Variants in USH2A observed in about 807,000 individuals in gnomAD.
USH2A encodes usherin.
USH2A carries 443 observed loss-of-function variants against 538.9 expected under a neutral mutation model. The observed-to-expected ratio is 0.82, with a 90% CI of 0.76 to 0.89. USH2A has a LOEUF of 0.89. USH2A is among the 40% of genes least tolerant of loss of function. USH2A has a pLI of 0.00. For missense variants in USH2A, 6,633 were observed against 6,324.8 expected (o/e 1.05, Z -1.65); for synonymous variants, 2,413 against 2,273.5 (o/e 1.06, Z -1.75).
chr1:215,882,534 T>A, intron 41 of USH2A, among the ~76,000 whole-genome samples: 1 of 152,184 alleles, frequency 6.6e-6, no homozygotes, highest in East Asian at 1.9e-4. Flanking sequence ...AGAGTACAAA[T>A]ATATAAATAC....
chr1:216,233,061 T>C (rs2035733145), intron 13 of USH2A, among the ~76,000 whole-genome samples: 1 of 152,180 alleles, frequency 6.6e-6, no homozygotes, highest in African/African-American at 2.4e-5. Context: ...GCAGTCTTTT[T>C]CCAAAGTGCA....
chr1:216,003,742 G>T (rs554962111), intron 32 of USH2A, among the ~76,000 whole-genome samples: 83 of 152,124 alleles, frequency 5.5e-4, no homozygotes, highest in African/African-American at 2.0e-3. Flanking sequence ...TAAGAATTTT[G>T]GTTTTTAATC....
intron 38 of USH2A, among the ~76,000 whole-genome samples, chr1:215,909,694 G>A (rs1394475929): frequency 2.0e-5 from 3 of 151,964 alleles, no homozygotes; most frequent in East Asian, 1.9e-4. Context: ...TGTTAGATGC[G>A]ATAGGCAGGG....
At chr1:215,965,954 C>T (rs1478381780) in intron 36 of USH2A, among the ~76,000 whole-genome samples, 1 of 151,726 alleles carries the variant, frequency 6.6e-6, no homozygotes, top group East Asian at 1.9e-4. Context: ...CACACACACA[C>T]ACACACACGC....
intron 49 of USH2A, among the ~76,000 whole-genome samples, chr1:215,805,965 T>C (rs925471681): frequency 9.3e-5 from 13 of 139,282 alleles, no homozygotes; most frequent in African/African-American, 3.4e-4. Flanking sequence ...TTTATTAGTG[T>C]ATCTTAGAAA....
intron 32 of USH2A, among the ~76,000 whole-genome samples, chr1:216,032,122 C>G (rs1669142220): frequency 2.0e-5 from 3 of 152,106 alleles, no homozygotes; most frequent in East Asian, 1.9e-4. Flanking sequence ...AACTTCTAAC[C>G]TCTGAGGTAC....
chr1:216,231,292 CAGAGAGAGAG>C (rs371376479), intron 14 of USH2A, among the ~76,000 whole-genome samples: 7 of 56,690 alleles, frequency 1.2e-4, no homozygotes, highest in Non-Finnish European at 2.5e-4. Flanking sequence ...CACAGAGAGA[CAGAGAGAGAG>C]AGAGAGAGAG....
chr1:216,260,356 A>C (rs1453977086), intron 11 of USH2A, among the ~76,000 whole-genome samples: 1 of 152,180 alleles, frequency 6.6e-6, no homozygotes. Context: ...TGAGAGCCTT[A>C]AGACTTGAAG....
chr1:216,226,485 C>T (rs2035563666), intron 14 of USH2A, among the ~76,000 whole-genome samples: 1 of 152,142 alleles, frequency 6.6e-6, no homozygotes, highest in Admixed American at 6.5e-5. Flanking sequence ...CCTCCTCCCT[C>T]ACGTAGAGGC....
intron 38 of USH2A, among the ~76,000 whole-genome samples, chr1:215,911,119 T>A (rs1665770545): frequency 6.6e-6 from 1 of 151,978 alleles, no homozygotes; most frequent in African/African-American, 2.4e-5. Context: ...CATGAGATGT[T>A]TTGATACAGG....
At chr1:215,799,981 A>T (rs1167636262) in intron 49 of USH2A, among the ~76,000 whole-genome samples, 4 of 152,132 alleles carry the variant, frequency 2.6e-5, no homozygotes, top group African/African-American at 9.7e-5. Context: ...CATATCTAAA[A>T]AACAAAAACA....
intron 26 of USH2A, among the ~76,000 whole-genome samples, chr1:216,082,955 C>A (rs1029900639): frequency 5.3e-5 from 8 of 151,836 alleles, no homozygotes; most frequent in African/African-American, 1.9e-4. Flanking sequence ...ATAACAAATA[C>A]AAAATTCTGA....
At chr1:215,994,260 T>G (rs963364901) in intron 34 of USH2A, among the ~76,000 whole-genome samples, 1 of 152,178 alleles carries the variant, frequency 6.6e-6, no homozygotes, top group South Asian at 2.1e-4. Context: ...GATAAAAAAT[T>G]AAAGCATCTC....
In USH2A at chr1:215,999,102, A is replaced by T. The variant is rs79931267; in HGVS notation, c.6486-44T>A. The T allele has an allele frequency of 2.6e-3, 3,904 of 1,507,876 alleles. 79 individuals are homozygous for T. The African/African-American group carries it at 0.046, about 18-fold the overall frequency. 93.4% of individuals were successfully genotyped at this position (1,507,876 alleles called of 1,614,324 possible). On this transcript the variant is annotated intron_variant, in intron 33 of 71. Coordinates refer to ENST00000307340, the MANE Select transcript of USH2A (RefSeq NM_206933.4). ...ATTATTATCATTCATTCAAGTCAAAACTAAAATATACAGGATTTTCAAAGG... is the reference window on the plus strand; with the variant it reads ...ATTATTATCATTCATTCAAGTCAAATCTAAAATATACAGGATTTTCAAAGG...
chr1:216,376,858 G>T (rs1371342498), intron 3 of USH2A, among the ~76,000 whole-genome samples: 1 of 152,082 alleles, frequency 6.6e-6, no homozygotes, highest in African/African-American at 2.4e-5. Context: ...TGTAGAAATA[G>T]TCCTGCCATA....
chr1:216,039,868 C>T lies in USH2A; in HGVS notation c.6325+6563G>A, dbSNP rs887425676. ...ATGAGCATTTCTATTTTGCTATTTACACATAGTTCTCTTTGACCTTGGCAA... is the reference window on the plus strand; with the variant it reads ...ATGAGCATTTCTATTTTGCTATTTATACATAGTTCTCTTTGACCTTGGCAA... On this transcript the variant is annotated intron_variant, in intron 32 of 71. Coordinates refer to ENST00000307340, the MANE Select transcript of USH2A (RefSeq NM_206933.4). 4.6e-5 allele frequency among the ~76,000 whole-genome samples: 7 copies of T among 152,064 alleles called. No homozygotes were observed. The East Asian group carries it at 7.7e-4, about 17-fold the overall frequency.
intron 3 of USH2A, among the ~76,000 whole-genome samples, chr1:216,405,839 T>C (rs2039387373): frequency 6.6e-6 from 1 of 152,234 alleles, no homozygotes. Flanking sequence ...TGGAATGCTA[T>C]GCTGCAATAA....
intron 11 of USH2A, among the ~76,000 whole-genome samples, chr1:216,283,109 T>G (rs746638045): frequency 6.6e-6 from 1 of 152,132 alleles, no homozygotes. Flanking sequence ...TGTTGTTAGA[T>G]GTAGTCTCGT....
intron 37 of USH2A, among the ~76,000 whole-genome samples, chr1:215,942,996 C>T (rs1666673805): frequency 6.6e-6 from 1 of 152,114 alleles, no homozygotes; most frequent in South Asian, 2.1e-4. Context: ...CTGGATTCCC[C>T]AGAATTCTGC....
Sources: allele counts gnomAD v4.1 joint callset (sites outside exome capture counted in the v4.1 genomes callset), GRCh38; gene constraint gnomAD v4.1.1; transcripts MANE v1.5; gene names NCBI Gene and HGNC (gene_info 2026-07-23, HGNC 2026-07-21).